DCP2: variants seen among roughly 807,000 people sequenced by gnomAD.
The protein encoded by DCP2 is m7GpppN-mRNA hydrolase.
Under a neutral mutation model 56.1 loss-of-function variants are expected in DCP2, and 30 were observed. The observed-to-expected ratio is 0.53, with a 90% CI of 0.40 to 0.73. The LOEUF is 0.73. DCP2 is among the 30% of genes least tolerant of loss of function. The pLI, the probability that DCP2 is intolerant of heterozygous loss-of-function variation, is 0.00. For synonymous variants in DCP2, 197 were observed against 163.3 expected, an observed-to-expected ratio of 1.21 and a Z score of -1.57; for missense variants, 533 against 502.7, an observed-to-expected ratio of 1.06 and a Z score of -0.58.
At chr5:112,992,369 A>T in intron 3 of DCP2, 121 bp downstream of exon 3, 1 of 1,295,788 alleles carries the variant, frequency 7.7e-7, no homozygotes, top group East Asian at 2.5e-5. Context: ...TTTTAGTGCT[A>T]AAAGGCCAAG....
chr5:112,998,842 G>A (rs983066272), intron 4 of DCP2, among the ~76,000 whole-genome samples: 1 of 152,182 alleles, frequency 6.6e-6, no homozygotes, highest in African/African-American at 2.4e-5. Context: ...TTTTAAGAAC[G>A]AGGAGTTCTT....
chr5:112,996,248 C>T (rs772922710), intron 4 of DCP2, among the ~76,000 whole-genome samples: 5 of 152,164 alleles, frequency 3.3e-5, no homozygotes, highest in East Asian at 1.9e-4. Flanking sequence ...ACGGCTTGAC[C>T]GAGTGACATT....
At chr5:113,007,322 C>T (rs1251499620) in intron 8 of DCP2, among the ~76,000 whole-genome samples, 1 of 151,682 alleles carries the variant, frequency 6.6e-6, no homozygotes, top group Non-Finnish European at 1.5e-5. Context: ...TCCATTTATG[C>T]ATTAGAAACG....
chr5:112,999,163 A>G (rs1749006228), intron 4 of DCP2, among the ~76,000 whole-genome samples: 1 of 152,196 alleles, frequency 6.6e-6, no homozygotes, highest in African/African-American at 2.4e-5. Context: ...AGGAATTCAG[A>G]TTATACAATT....
In DCP2 at chr5:113,020,975, G is replaced by T. The variant is rs919530786; in HGVS notation, c.*7491G>T. The T allele has an allele frequency of 5.9e-5, 9 of 152,146 alleles. No individual in the cohort carries two copies. Among genetic ancestry groups the T allele is most frequent in the African/African-American group, 2.2e-4 (9 of 41,434 alleles). 9.4% of individuals were successfully genotyped at this position (152,146 alleles called of 1,614,324 possible). The stretch of plus-strand genomic sequence containing the variant: ...GCGGTTTTAGTTACCACCTTAGCCT[G>T]GTTTTCTGCTACTGTTATTTATCAT... On this transcript the variant is annotated 3_prime_UTR_variant, in exon 11 of 11. Transcript: ENST00000389063.
chr5:112,984,691 A>ATATATATATATATATAT (rs1561685051), intron 1 of DCP2: 2 of 70,334 alleles, frequency 2.8e-5, no homozygotes, highest in African/African-American at 1.5e-4. Flanking sequence ...TTAATTAAAA[A>ATATATATATATATATAT]AAAAAAAAAA....
intron 10 of DCP2, among the ~76,000 whole-genome samples, chr5:113,012,269 A>G (rs529525950): frequency 6.6e-6 from 1 of 152,262 alleles, no homozygotes; most frequent in South Asian, 2.1e-4. Context: ...CTGAGGCAAA[A>G]AGGTCACTTG....
chr5:112,989,092 G>T (rs1978430), intron 2 of DCP2, among the ~76,000 whole-genome samples: 1 of 151,992 alleles, frequency 6.6e-6, no homozygotes, highest in African/African-American at 2.4e-5. Flanking sequence ...AGTAGACTCA[G>T]TATCTTCAAG....
At chr5:112,996,976 G>C (rs1748887736) in intron 4 of DCP2, among the ~76,000 whole-genome samples, 1 of 152,200 alleles carries the variant, frequency 6.6e-6, no homozygotes, top group Non-Finnish European at 1.5e-5. Context: ...AAAGAGCTGA[G>C]GAAAGCAGAA....
rs756125676 is a variant in DCP2 at position 112,976,803 on chromosome 5, C to G, written c.-131C>G. ...GGGTCCCGCCCCTTCCCCTTCTCGT[C>G]TCCGTTGGAGTCGTCTCTGCCGCGG... On this transcript the variant is annotated 5_prime_UTR_variant, in exon 1 of 11. Coordinates refer to ENST00000389063, the MANE Select transcript of DCP2 (RefSeq NM_152624.6). The G allele has an allele frequency of 1.1e-5, 10 of 921,482 alleles. No homozygotes were observed. The highest frequency in any genetic ancestry group is 1.6e-5 in the Non-Finnish European group (9 of 547,182). The allele number at this position is 921,482 out of a possible 1,614,324, so 57.1% of individuals were successfully genotyped here. A position where few individuals can be genotyped will look rare whatever the true frequency, so the allele number is the denominator to read the frequency against.
chr5:113,005,842 T>C (rs1363628283), intron 8 of DCP2, among the ~76,000 whole-genome samples: 4 of 152,156 alleles, frequency 2.6e-5, no homozygotes, highest in African/African-American at 9.7e-5. Flanking sequence ...AATTAAGAAA[T>C]GAAATTCTGC....
chr5:113,018,540 T>G lies in DCP2; in HGVS notation c.*5056T>G, dbSNP rs1045972678. 1.3e-5 allele frequency: 2 copies of G among 152,272 alleles called. No individual in the cohort carries two copies. The highest frequency in any genetic ancestry group is 4.8e-5 in the African/African-American group (2 of 41,464). 9.4% of individuals were successfully genotyped at this position (152,272 alleles called of 1,614,324 possible). On this transcript the variant is annotated 3_prime_UTR_variant, in exon 11 of 11. Transcript: ENST00000389063. ...AGAAATCAGTTGGCTGTGTTTGTAA[T>G]CTTGTCCCACATGGACCCTAACCTT...
intron 4 of DCP2, 112 bp downstream of exon 4, chr5:112,992,882 G>A (rs1026052928): frequency 2.5e-5 from 15 of 588,528 alleles, no homozygotes; most frequent in Non-Finnish European, 3.9e-5. Flanking sequence ...TCCAGAACTT[G>A]AGTGCATGAA....
intron 2 of DCP2, among the ~76,000 whole-genome samples, chr5:112,987,717 A>C (rs1412950877): frequency 2.9e-5 from 4 of 138,516 alleles, no homozygotes; most frequent in African/African-American, 1.1e-4. Flanking sequence ...CAAGTGATCC[A>C]CCTGCCTTGG....
At chr5:113,002,519 T>C (rs2150184790) in intron 7 of DCP2, among the ~76,000 whole-genome samples, 1 of 152,054 alleles carries the variant, frequency 6.6e-6, no homozygotes, top group Non-Finnish European at 1.5e-5. Flanking sequence ...GCTTGGAACT[T>C]TTTGTTTGTT....
intron 1 of DCP2, among the ~76,000 whole-genome samples, chr5:112,978,000 C>T (rs1419738890): frequency 6.6e-6 from 1 of 151,608 alleles, no homozygotes; most frequent in Non-Finnish European, 1.5e-5. Flanking sequence ...TTTTTTGAGA[C>T]GGAGCCTCTT....
At position 112,986,208 on chromosome 5, in the gene DCP2, G is replaced by T. The variant is rs1748278692; in HGVS notation, c.205+222G>T. ...AATCATACAGAGGACGCCCTAAAAT[G>T]TACACTGATTAAATTTTATTTTTTT... is the stretch of plus-strand genomic sequence containing the variant. On this transcript the variant is annotated intron_variant, in intron 2 of 10. Transcript: ENST00000389063. Among the ~76,000 whole-genome samples, 3 of 152,158 alleles carry T rather than the reference G, an allele frequency of 2.0e-5. No homozygotes were observed. The South Asian group carries it at 6.2e-4, about 32-fold the overall frequency.
rs573538511 is a variant in DCP2, at chr5:113,019,783, T to C, written c.*6299T>C. The C allele has an allele frequency of 3.9e-5, 6 of 152,360 alleles. No homozygotes were observed. The East Asian group carries it at 1.2e-3, about 29-fold the overall frequency. 9.4% of individuals were successfully genotyped at this position (152,360 alleles called of 1,614,324 possible). A position where few individuals can be genotyped will look rare whatever the true frequency, so the allele number is the denominator to read the frequency against. ...TAATTATTGACTTATCCTAGATCCA[T>C]GTACAATTCAGACTTTTATCTGTTA... On this transcript the variant is annotated 3_prime_UTR_variant, in exon 11 of 11. Transcript: ENST00000389063.
At chr5:113,007,785 G>C (rs1231191196) in intron 8 of DCP2, among the ~76,000 whole-genome samples, 153 bp from the exon 9 acceptor site, 1 of 152,178 alleles carries the variant, frequency 6.6e-6, no homozygotes, top group African/African-American at 2.4e-5. Context: ...ACTTCTATAA[G>C]AAAATACATT....
Sources: gnomAD v4.1 joint callset for allele counts (sites outside exome capture counted in the v4.1 genomes callset) on GRCh38, gnomAD v4.1.1 for gene constraint, MANE v1.5 for transcripts, NCBI Gene and HGNC (gene_info 2026-07-23, HGNC 2026-07-21) for gene names.